Variants in RYR3 observed in about 807,000 individuals in gnomAD.
RYR3 encodes ryanodine receptor 3.
Under a neutral mutation model 584.3 loss-of-function variants are expected in RYR3, and 207 were observed. That is an observed-to-expected ratio of 0.35 (90% CI 0.32 to 0.40). RYR3 has a LOEUF of 0.40. Among genes scored for constraint, RYR3 ranks in the 10% least tolerant of loss-of-function variants. The pLI is 1.00. For missense variants in RYR3, 5,616 were observed against 6,089.2 expected (o/e 0.92, Z 2.59); for synonymous variants, 2,416 against 2,248.5 (o/e 1.07, Z -2.11).
chr15:33,648,022 CAT>C (rs572278417), intron 30 of RYR3, among the ~76,000 whole-genome samples: 44 of 137,238 alleles, frequency 3.2e-4, no homozygotes, highest in Middle Eastern at 4.2e-3. Flanking sequence ...CTGTGGAAGA[CAT>C]GTGTGTCAAC....
intron 1 of RYR3, among the ~76,000 whole-genome samples, chr15:33,470,951 G>A (rs2048875319): frequency 6.6e-6 from 1 of 152,222 alleles, no homozygotes; most frequent in Non-Finnish European, 1.5e-5. Context: ...AACCAGTACA[G>A]GGATGAAGAG....
intron 1 of RYR3, among the ~76,000 whole-genome samples, chr15:33,333,216 C>T (rs1970574581): frequency 1.3e-5 from 2 of 152,066 alleles, no homozygotes; most frequent in African/African-American, 4.8e-5. Flanking sequence ...TTCTATGAGG[C>T]CAGCATCATC....
At chr15:33,678,950 A>T (rs2064380089) in intron 38 of RYR3, among the ~76,000 whole-genome samples, 1 of 152,200 alleles carries the variant, frequency 6.6e-6, no homozygotes, top group Non-Finnish European at 1.5e-5. Context: ...CTACTGCACA[A>T]CCTGGGCCAG....
chr15:33,581,619 C>G lies in RYR3; in HGVS notation c.1549C>G (p.Leu517Val). The G allele has an allele frequency of 1.2e-6, 2 of 1,613,714 alleles. No individual in the cohort carries two copies. The highest frequency in any genetic ancestry group is 1.7e-6 in the Non-Finnish European group (2 of 1,179,672). Residue 517 changes from leucine to valine, a missense_variant, in exon 14 of 104, where the codon CTG becomes GTG. Leu to Val is a conservative substitution (Grantham distance 32). Around this residue, in one of 9 missense-constraint regions of RYR3, gnomAD observed 1,284 missense variants for 1,344.6 expected, o/e 0.95. Coordinates refer to ENST00000634891, the MANE Select transcript of RYR3 (RefSeq NM_001036.6). ...EESGMAWKEILNLLYKLLAAL... is the reference protein window; with the variant it reads ...EESGMAWKEIVNLLYKLLAAL... ...GAGTGGCATGGCCTGGAAAGAAATT[C>G]TGAACCTCCTCTACAAATTGCTGGG...
At chr15:33,365,719 TAAC>T (rs1172098172) in intron 1 of RYR3, among the ~76,000 whole-genome samples, 1 of 152,186 alleles carries the variant, frequency 6.6e-6, no homozygotes, top group Non-Finnish European at 1.5e-5. Flanking sequence ...AAATAAGTAG[TAAC>T]AATAATAAAG....
At chr15:33,854,480 T>A in intron 97 of RYR3, 31 bp downstream of exon 97, 1 of 1,524,084 alleles carries the variant, frequency 6.6e-7, no homozygotes. Context: ...AACAAAATTC[T>A]ATACCCCAGT....
At chr15:33,338,287 C>T (rs1186363695) in intron 1 of RYR3, among the ~76,000 whole-genome samples, 1 of 152,044 alleles carries the variant, frequency 6.6e-6, no homozygotes, top group African/African-American at 2.4e-5. Context: ...GGAGACAGGT[C>T]TATGGCTTTC....
At chr15:33,643,960 T>C (rs1005605582) in intron 27 of RYR3, among the ~76,000 whole-genome samples, 1 of 152,144 alleles carries the variant, frequency 6.6e-6, no homozygotes, top group Non-Finnish European at 1.5e-5. Flanking sequence ...GGGCCTGAGA[T>C]CAATTTTAAC....
chr15:33,379,898 C>T (rs776438895), intron 1 of RYR3, among the ~76,000 whole-genome samples: 120 of 152,118 alleles, frequency 7.9e-4, no homozygotes, highest in Non-Finnish European at 1.3e-3. Context: ...GCCCCCGGTG[C>T]AATTCCCAGA....
At chr15:33,811,908 T>C (rs1382513167) in intron 72 of RYR3, among the ~76,000 whole-genome samples, 1 of 152,184 alleles carries the variant, frequency 6.6e-6, no homozygotes, top group Non-Finnish European at 1.5e-5. Context: ...CTCAGATACA[T>C]TATGCCCTGA....
chr15:33,479,486 C>CTTTT (rs376160496), intron 2 of RYR3, among the ~76,000 whole-genome samples: 4,631 of 135,796 alleles, frequency 0.034, 179 homozygotes, highest in African/African-American at 0.088. Context: ...GAGATTTTGA[C>CTTTT]TTTTTTTTTT....
intron 1 of RYR3, among the ~76,000 whole-genome samples, chr15:33,460,127 A>G (rs559438715): frequency 6.6e-6 from 1 of 152,346 alleles, no homozygotes; most frequent in East Asian, 1.9e-4. Flanking sequence ...GGCAGGGCAT[A>G]TGGTCAGAAG....
intron 102 of RYR3, among the ~76,000 whole-genome samples, chr15:33,863,381 A>C (rs1414691070): frequency 6.6e-6 from 1 of 152,164 alleles, no homozygotes; most frequent in Non-Finnish European, 1.5e-5. Flanking sequence ...TCTATACACT[A>C]TACCACCATG....
intron 102 of RYR3, among the ~76,000 whole-genome samples, chr15:33,861,495 T>G (rs1329641705): frequency 2.0e-5 from 3 of 149,332 alleles, no homozygotes; most frequent in African/African-American, 7.3e-5. Flanking sequence ...TTTTTTTTAA[T>G]CCTAAACAAA....
intron 44 of RYR3, 34 bp downstream of exon 44, chr15:33,722,929 C>G (rs770079308): frequency 4.0e-6 from 6 of 1,512,618 alleles, no homozygotes; most frequent in Non-Finnish European, 4.4e-6. Flanking sequence ...GGCACAGATA[C>G]GGTTGGTGAG....
At chr15:33,746,013 AC>A in intron 52 of RYR3, 54 bp from the exon 53 acceptor site, 1 of 1,146,352 alleles carries the variant, frequency 8.7e-7, no homozygotes, top group Non-Finnish European at 1.3e-6. Flanking sequence ...GATTTGGGTC[AC>A]ATAGCGGGGT....
intron 1 of RYR3, among the ~76,000 whole-genome samples, chr15:33,353,329 G>A (rs1410837563): frequency 6.6e-6 from 1 of 152,130 alleles, no homozygotes; most frequent in East Asian, 1.9e-4. Flanking sequence ...ACCCTTGAAG[G>A]TGCGCATAAA....
At chr15:33,428,401 T>G (rs2044831606) in intron 1 of RYR3, among the ~76,000 whole-genome samples, 1 of 152,242 alleles carries the variant, frequency 6.6e-6, no homozygotes, top group Admixed American at 6.5e-5. Context: ...AGGTAGATAT[T>G]AAGTTTTGTA....
intron 65 of RYR3, among the ~76,000 whole-genome samples, chr15:33,782,663 G>A (rs1169153871): frequency 2.6e-5 from 4 of 152,174 alleles, no homozygotes; most frequent in Non-Finnish European, 5.9e-5. Flanking sequence ...AATGTATAAG[G>A]TGACAGGTGA....
Sources: allele counts gnomAD v4.1 joint callset (sites outside exome capture counted in the v4.1 genomes callset), GRCh38; gene constraint gnomAD v4.1.1; regional missense constraint gnomAD v4.1.1; transcripts MANE v1.5; gene names NCBI Gene and HGNC (gene_info 2026-07-23, HGNC 2026-07-21).